The following CEP104 variants were observed in gnomAD, a reference collection of about 807,000 sequenced individuals.
The protein encoded by CEP104 is centrosomal protein of 104 kDa.
A neutral mutation model predicts 113.3 loss-of-function variants in CEP104; 84 were observed. That is an observed-to-expected ratio of 0.74 (90% CI 0.62 to 0.89). CEP104 has a LOEUF of 0.89. Ranked by LOEUF, CEP104 falls within the 40% of genes least tolerant of loss-of-function variation. The pLI is 0.00. For missense variants in CEP104, 1,053 were observed against 1,156.6 expected (o/e 0.91, Z 1.30); for synonymous variants, 378 against 421.7 (o/e 0.90, Z 1.27).
At chr1:3,849,845 A>C (rs979311586) in intron 2 of CEP104, among the ~76,000 whole-genome samples, 7 of 151,332 alleles carry the variant, frequency 4.6e-5, no homozygotes, top group South Asian at 2.1e-4. Flanking sequence ...AAAAAAAAAA[A>C]CTCCAAAACT....
intron 4 of CEP104, among the ~76,000 whole-genome samples, chr1:3,846,513 A>G (rs1392765025): frequency 6.6e-6 from 1 of 152,248 alleles, no homozygotes; most frequent in African/African-American, 2.4e-5. Context: ...AGATTATCTG[A>G]ACATAAGGAC....
rs1483809897 is a variant in CEP104 at position 3,844,946 on chromosome 1, T to G, written c.527A>C (p.His176Pro). Residue 176 changes from histidine (H) to proline (P), a missense_variant, in exon 6 of 22, where the codon CAC becomes CCC. Physicochemically the swap from His to Pro is moderately conservative, Grantham distance 77 (BLOSUM62 -2). Transcript: ENST00000378230. ...TTCTAGAGCAGGGTCCTCGCTGTTG[T>G]GCCCAAGGTAGTGGTCAATCAACTT... ...REKLIDHYLG[H>P]NSEDPALEGT... 7 of 1,614,064 alleles carry G rather than the reference T, an allele frequency of 4.3e-6. No homozygotes were observed. The highest frequency in any genetic ancestry group is 5.1e-6 in the Non-Finnish European group (6 of 1,180,024).
Position 3,839,508 on chromosome 1 carries a change from G to A in CEP104, c.735+100C>T, listed in dbSNP as rs1238915886. 45 of 1,105,840 alleles carry A rather than the reference G, an allele frequency of 4.1e-5. No individual in the cohort carries two copies. In the South Asian group the frequency reaches 5.9e-4, roughly 14 times the overall value. 68.5% of individuals were successfully genotyped at this position (1,105,840 alleles called of 1,614,324 possible). Reference sequence around the variant, plus strand: ...ATCTTTGAACTCACACTAACTTCACGGCTTTTAGTAACTGGTTTCTTTTAC... The same window carrying A: ...ATCTTTGAACTCACACTAACTTCACAGCTTTTAGTAACTGGTTTCTTTTAC... On this transcript the variant is annotated intron_variant, in intron 7 of 21. Coordinates refer to ENST00000378230, the MANE Select transcript of CEP104 (RefSeq NM_014704.4).
chr1:3,844,397 C>T (rs1344237274), intron 6 of CEP104, among the ~76,000 whole-genome samples: 1 of 152,114 alleles, frequency 6.6e-6, no homozygotes. Context: ...CACCTGAGGT[C>T]AGGCTCAGGA....
At chr1:3,817,229 C>A (rs1643893629) in intron 20 of CEP104, among the ~76,000 whole-genome samples, 1 of 152,186 alleles carries the variant, frequency 6.6e-6, no homozygotes, top group Non-Finnish European at 1.5e-5. Context: ...CTAATCCCAG[C>A]TACTCAGGAG....
At chr1:3,856,252 T>TA (rs962458104) in intron 1 of CEP104, among the ~76,000 whole-genome samples, 2 of 151,822 alleles carry the variant, frequency 1.3e-5, no homozygotes, top group Non-Finnish European at 2.9e-5. Context: ...CTACTAAAAA[T>TA]AAAAAAATTA....
intron 9 of CEP104, 63 bp from the exon 10 acceptor site, chr1:3,836,755 A>G: frequency 4.2e-6 from 6 of 1,440,576 alleles, no homozygotes; most frequent in Non-Finnish European, 5.8e-6. Flanking sequence ...TCTCCAGTGC[A>G]ACTCTCACTG....
Position 3,823,068 on chromosome 1 carries a change from T to G in CEP104, c.2571+106A>C. On this transcript the variant is annotated intron_variant, in intron 20 of 21. Transcript: ENST00000378230. The surrounding 1 kb of genome is among the most constrained non-coding windows in gnomAD (Gnocchi z 4.1). The stretch of plus-strand genomic sequence containing the variant: ...GTCCCCTCCCTGAACACTCATGTAC[T>G]GTACTCTGTGGCTATGGTCCCGCAC... 9.7e-7 allele frequency: 1 copy of G among 1,025,920 alleles called. No individual in the cohort carries two copies. The highest frequency in any genetic ancestry group is 1.5e-6 in the Non-Finnish European group (1 of 656,532). The allele number at this position is 1,025,920 out of a possible 1,614,324, so 63.6% of individuals were successfully genotyped here.
chr1:3,836,077 G>A (rs1198871639), intron 10 of CEP104, among the ~76,000 whole-genome samples: 1 of 151,972 alleles, frequency 6.6e-6, no homozygotes, highest in Non-Finnish European at 1.5e-5. Flanking sequence ...CAAGGTGAGT[G>A]GATCACAAGA....
At chr1:3,832,420 G>A (rs78954270) in intron 12 of CEP104, among the ~76,000 whole-genome samples, 1 of 67,414 alleles carries the variant, frequency 1.5e-5, no homozygotes, top group Non-Finnish European at 3.4e-5. Flanking sequence ...CGTAGGTCCT[G>A]ACCAGGAGTG....
At position 3,831,131 on chromosome 1, in the gene CEP104, G is replaced by T. The variant is rs1307397662; in HGVS notation, c.1751C>A (p.Ala584Glu). The change falls in exon 13 of 22, where the codon GCA becomes GAA. Residue 584 changes from alanine to glutamate, a missense_variant. By Grantham distance (107) the Ala-to-Glu change is moderately radical (BLOSUM62 -1). Transcript: ENST00000378230. ...PLKANSSVHL[A>E]MSQMGLLARL... ...GGCCAGGAGGCCCATCTGACTCATT[G>T]CCAGGTGAACTGAAGAGTTTGCTTT... The T allele has an allele frequency of 6.2e-7, 1 of 1,614,100 alleles. No homozygotes were observed. Among genetic ancestry groups the T allele is most frequent in the African/African-American group, 1.3e-5 (1 of 74,938 alleles).
chr1:3,844,875 AG>A (rs1225335321), intron 6 of CEP104, 31 bp downstream of exon 6: 2 of 1,567,350 alleles, frequency 1.3e-6, no homozygotes, highest in African/African-American at 2.7e-5. Flanking sequence ...GGAAAGTAAA[AG>A]AAGTTCATTG....
chr1:3,846,086 CA>C (rs5772127), intron 4 of CEP104, among the ~76,000 whole-genome samples: 3,798 of 94,598 alleles, frequency 0.04, 22 homozygotes, highest in Non-Finnish European at 0.047. Context: ...AACTCCGTCT[CA>C]AAAAAAAAAA....
intron 2 of CEP104, among the ~76,000 whole-genome samples, chr1:3,850,142 C>T (rs1291105599): frequency 6.6e-6 from 1 of 152,196 alleles, no homozygotes; most frequent in African/African-American, 2.4e-5. Flanking sequence ...ATGAAATCGA[C>T]TGATGATGCA....
chr1:3,818,226 CCT>C (rs1287702279), intron 20 of CEP104, among the ~76,000 whole-genome samples: 1 of 152,242 alleles, frequency 6.6e-6, no homozygotes, highest in Non-Finnish European at 1.5e-5. Flanking sequence ...TGGGGCTTCT[CCT>C]CTGTCTACAC....
chr1:3,816,532 T>A (rs1245358963), intron 20 of CEP104, 162 bp from the exon 21 acceptor site: 2 of 596,672 alleles, frequency 3.4e-6, no homozygotes, highest in Non-Finnish European at 6.0e-6. Flanking sequence ...CCTTCGGATA[T>A]GTTATGATAG....
rs1484807480 is a variant in CEP104 at position 3,847,599 on chromosome 1, CAG to C, written c.300_301del (p.Cys101Ter). On this transcript the variant is annotated frameshift_variant, in exon 4 of 22. Coordinates refer to ENST00000378230, the MANE Select transcript of CEP104 (RefSeq NM_014704.4). LOFTEE classifies it high-confidence loss of function. ...TTTGCAACCTGTCTTTTCATTATCACAGAGAGACACGTAGCTGAAAAACAAAA... is the reference window on the plus strand; with the variant it reads ...TTTGCAACCTGTCTTTTCATTATCACAGAGACACGTAGCTGAAAAACAAAA... 1 of 1,614,082 alleles carries C rather than the reference CAG, an allele frequency of 6.2e-7. No individual in the cohort carries two copies. Among genetic ancestry groups the C allele is most frequent in the Non-Finnish European group, 8.5e-7 (1 of 1,180,008 alleles).
rs375724825 is a variant in CEP104, at chr1:3,851,488, G to C, written c.113+807C>G. On this transcript the variant is annotated intron_variant, in intron 2 of 21. Transcript: ENST00000378230. ...TTGAAAGCAAGTCATGAAAAGCACA[G>C]AGCTGACGAGGTGGGATGGGGTGGA... is the stretch of plus-strand genomic sequence containing the variant. 1.6e-4 allele frequency among the ~76,000 whole-genome samples: 25 copies of C among 152,226 alleles called. No individual in the cohort carries two copies. In the East Asian group the frequency reaches 4.6e-3, roughly 28 times the overall value.
chr1:3,844,644 G>A lies in CEP104; in HGVS notation c.566+263C>T, dbSNP rs184658825. On this transcript the variant is annotated intron_variant, in intron 6 of 21. Transcript: ENST00000378230. ...ACTCAGGAGGTAGAAGTTATAGTGAGCCGAGATTGTGCCATTACACTCCGG... is the reference window on the plus strand; with the variant it reads ...ACTCAGGAGGTAGAAGTTATAGTGAACCGAGATTGTGCCATTACACTCCGG... 2.8e-4 allele frequency among the ~76,000 whole-genome samples: 36 copies of A among 129,596 alleles called. 1 individual carries two copies. The East Asian group carries it at 7.4e-3, about 27-fold the overall frequency. The allele number at this position is 129,596 out of a possible 152,430, so 85.0% of individuals were successfully genotyped here.
Sources: gnomAD v4.1 joint callset for allele counts (sites outside exome capture counted in the v4.1 genomes callset) on GRCh38, gnomAD v4.1.1 for gene constraint, Gnocchi (gnomAD v3.1) non-coding constraint, MANE v1.5 for transcripts, NCBI Gene and HGNC (gene_info 2026-07-23, HGNC 2026-07-21) for gene names.